Variants in HDAC8 observed in about 807,000 individuals in gnomAD.
HDAC8 encodes the protein histone deacetylase-like 1.
A neutral mutation model predicts 32.2 loss-of-function variants in HDAC8; 1 was observed. The observed-to-expected ratio is 0.03, with a 90% confidence interval of 0.01 to 0.15. The LOEUF (loss-of-function observed/expected upper bound fraction) is 0.15, where lower values mean the gene tolerates loss of function less well. HDAC8 is among the 10% of genes least tolerant of loss of function. The pLI is 1.00. For synonymous variants in HDAC8, 108 were observed against 113.9 expected (o/e 0.95, Z 0.33); for missense variants, 117 against 300.0 (o/e 0.39, Z 4.51).
At chrX:72,559,223 CCA>C (rs1307219747) in intron 4 of HDAC8, among the ~76,000 whole-genome samples, 1 of 106,564 alleles carries the variant, frequency 9.4e-6, no homozygotes, top group African/African-American at 3.4e-5. Context: ...AGGCGTGCTG[CCA>C]CGCCTGACTG....
Position 72,568,880 on chromosome X carries a change from C to T in HDAC8, c.169G>A (p.Val57Ile), listed in dbSNP as rs200737947. The T allele has an allele frequency of 1.0e-4, 125 of 1,206,613 alleles. No individual in the cohort carries two copies. The highest frequency in any genetic ancestry group is 7.6e-5 in the Non-Finnish European group (68 of 893,635). ...AYALHKQMRI[V>I]KPKVASMEEM... ...TCCATGGAGGCCACTTTAGGCTTAACTATCCTAATAATAACAGAGAGAACA... is the reference window on the plus strand; with the variant it reads ...TCCATGGAGGCCACTTTAGGCTTAATTATCCTAATAATAACAGAGAGAACA... Residue 57 changes from valine to isoleucine, a missense_variant, in exon 3 of 11, where the codon GTT becomes ATT. Physicochemically the swap from Val to Ile is conservative, Grantham distance 29 (BLOSUM62 3). Around this residue, in one of 4 missense-constraint regions of HDAC8, gnomAD observed 37 missense variants for 53.1 expected, o/e 0.70. Coordinates refer to ENST00000373573, the MANE Select transcript of HDAC8 (RefSeq NM_018486.3).
chrX:72,488,312 A>T (rs2048748036), intron 7 of HDAC8, among the ~76,000 whole-genome samples: 1 of 110,630 alleles, frequency 9.0e-6, no homozygotes, highest in South Asian at 3.9e-4. Context: ...TGCCTGACCA[A>T]TCTCAATTTT....
At chrX:72,414,525 G>A (rs1347060275) in intron 9 of HDAC8, among the ~76,000 whole-genome samples, 1 of 112,518 alleles carries the variant, frequency 8.9e-6, no homozygotes, top group East Asian at 2.8e-4. Context: ...GATAATCAGG[G>A]TGTATCTGTA....
chrX:72,433,190 G>A (rs1217157901), intron 9 of HDAC8, among the ~76,000 whole-genome samples: 1 of 111,506 alleles, frequency 9.0e-6, no homozygotes, highest in East Asian at 2.8e-4. Flanking sequence ...AGAATATCTG[G>A]CAATGTCTGA....
At chrX:72,536,363 GT>G (rs2050524442) in intron 4 of HDAC8, among the ~76,000 whole-genome samples, 1 of 111,960 alleles carries the variant, frequency 8.9e-6, no homozygotes, top group African/African-American at 3.2e-5. Flanking sequence ...CTCTGCTTCA[GT>G]TTTTCATCTT....
At chrX:72,440,266 T>C (rs1278322355) in intron 9 of HDAC8, among the ~76,000 whole-genome samples, 2 of 111,479 alleles carry the variant, frequency 1.8e-5, no homozygotes, top group East Asian at 5.6e-4. Flanking sequence ...AATAAGGTCT[T>C]TGAAACCAAT....
At chrX:72,337,126 C>G (rs2043719547) in intron 10 of HDAC8, among the ~76,000 whole-genome samples, 2 of 111,926 alleles carry the variant, frequency 1.8e-5, no homozygotes, top group Admixed American at 1.9e-4. Flanking sequence ...GGATTGAACT[C>G]CTTTACTGGA....
intron 7 of HDAC8, among the ~76,000 whole-genome samples, chrX:72,469,233 C>A (rs1170596143): frequency 1.4e-4 from 16 of 111,206 alleles, no homozygotes; most frequent in Non-Finnish European, 3.0e-4. Context: ...ACCCAGGCTG[C>A]AGTGCAGTGG....
intron 9 of HDAC8, among the ~76,000 whole-genome samples, chrX:72,380,142 G>A (rs1292568783): frequency 1.8e-5 from 2 of 111,128 alleles, no homozygotes; most frequent in African/African-American, 6.6e-5. Context: ...ATTTGTTGGA[G>A]GTTTTCTAAG....
intron 9 of HDAC8, among the ~76,000 whole-genome samples, chrX:72,454,628 CA>C (rs1227166482): frequency 1.8e-5 from 2 of 112,336 alleles, no homozygotes; most frequent in African/African-American, 6.5e-5. Context: ...ACCATTCATT[CA>C]TAGTTAAGGG....
intron 4 of HDAC8, among the ~76,000 whole-genome samples, chrX:72,521,327 A>G (rs1321383345): frequency 9.0e-6 from 1 of 111,075 alleles, no homozygotes; most frequent in African/African-American, 3.3e-5. Context: ...ACTATAGACT[A>G]TGCTATAATC....
At chrX:72,401,764 A>G (rs1260508953) in intron 9 of HDAC8, among the ~76,000 whole-genome samples, 1 of 112,320 alleles carries the variant, frequency 8.9e-6, no homozygotes, top group African/African-American at 3.2e-5. Flanking sequence ...TTCTAGATAC[A>G]AGTCCCATAT....
chrX:72,565,214 C>T (rs782300684), intron 4 of HDAC8, among the ~76,000 whole-genome samples: 52 of 112,384 alleles, frequency 4.6e-4, no homozygotes, highest in Non-Finnish European at 7.9e-4. Context: ...CTAATCAATG[C>T]TTGTTCAATG....
In HDAC8 at chrX:72,572,817, G is replaced by C. The variant is rs782080497; in HGVS notation, c.-56C>G. On this transcript the variant is annotated 5_prime_UTR_variant, in exon 1 of 11. Transcript: ENST00000373573. Reference sequence around the variant, plus strand: ...TCCAGATCTGGCTTTTTTCGGACTCGGCCAGGGTTCCAGTTCCTGCTCCTC... The same window carrying C: ...TCCAGATCTGGCTTTTTTCGGACTCCGCCAGGGTTCCAGTTCCTGCTCCTC... The C allele has an allele frequency of 9.9e-7, 1 of 1,009,932 alleles. No homozygotes were observed. Among genetic ancestry groups the C allele is most frequent in the African/African-American group, 1.9e-5 (1 of 53,112 alleles). The allele number at this position is 1,009,932 out of a possible 1,213,427, so 83.2% of individuals were successfully genotyped here. A position where few individuals can be genotyped will look rare whatever the true frequency, so the allele number is the denominator to read the frequency against.
At chrX:72,492,094 A>C (rs67125621) in intron 5 of HDAC8, among the ~76,000 whole-genome samples, 26,056 of 111,340 alleles carry the variant, frequency 0.23, 5,368 homozygotes, top group East Asian at 0.73. Context: ...ATGAAGTAAA[A>C]AAAATAAAAC....
At chrX:72,448,268 A>T (rs782004885) in intron 9 of HDAC8, among the ~76,000 whole-genome samples, 8 of 111,818 alleles carry the variant, frequency 7.2e-5, no homozygotes, top group African/African-American at 2.6e-4. Flanking sequence ...CAGAGGCCTC[A>T]GAAATAATGC....
chrX:72,482,162 T>C (rs2048528489), intron 7 of HDAC8, among the ~76,000 whole-genome samples: 1 of 111,504 alleles, frequency 9.0e-6, no homozygotes. Context: ...TTTATGCAGA[T>C]ATGGCCTTCC....
chrX:72,481,643 A>C (rs782115571), intron 7 of HDAC8, among the ~76,000 whole-genome samples: 1 of 108,436 alleles, frequency 9.2e-6, no homozygotes, highest in African/African-American at 3.4e-5. Flanking sequence ...TCACTCTGTC[A>C]TACAAGCTAG....
intron 9 of HDAC8, among the ~76,000 whole-genome samples, chrX:72,360,013 C>A (rs1199254008): frequency 9.4e-6 from 1 of 106,212 alleles, no homozygotes; most frequent in African/African-American, 3.5e-5. Flanking sequence ...AAGATTGCAC[C>A]ACTGCACTCT....
Sources: allele counts gnomAD v4.1 joint callset (sites outside exome capture counted in the v4.1 genomes callset), GRCh38; gene constraint gnomAD v4.1.1; regional missense constraint gnomAD v4.1.1; transcripts MANE v1.5; gene names NCBI Gene and HGNC (gene_info 2026-07-23, HGNC 2026-07-21).